Variants in RESF1 observed in about 807,000 individuals in gnomAD.
RESF1 encodes gonad expressed transcript.
A neutral mutation model predicts 134.7 loss-of-function variants in RESF1; 65 were observed. The observed-to-expected ratio is 0.48, with a 90% CI of 0.40 to 0.59. RESF1 has a LOEUF of 0.59. RESF1 is among the 20% of genes least tolerant of loss of function. The pLI, the probability that RESF1 is intolerant of heterozygous loss-of-function variation, is 0.00. For synonymous variants in RESF1, 762 were observed against 702.2 expected, an observed-to-expected ratio of 1.09 and a Z score of -1.35; for missense variants, 2,274 against 2,002.7, an observed-to-expected ratio of 1.14 and a Z score of -2.59.
In RESF1 at chr12:31,981,646, A is replaced by G. The variant is rs1420337622; in HGVS notation, c.691A>G (p.Ile231Val). Reference protein sequence around the residue: ...SPQSFLPDSTIQKQNFIPHTS... With the variant: ...SPQSFLPDSTVQKQNFIPHTS... ...ACAAAGCTTTTTACCAGATTCTACC[A>G]TTCAAAAACAAAACTTTATACCACA... Residue 231 changes from isoleucine (I) to valine (V), a missense_variant, in exon 4 of 6, where the codon ATT becomes GTT. By Grantham distance (29) the Ile-to-Val change is conservative. Transcript: ENST00000312561. 2.5e-6 allele frequency: 4 copies of G among 1,613,948 alleles called. No individual in the cohort carries two copies. The highest frequency in any genetic ancestry group is 1.7e-5 in the Admixed American group (1 of 59,990).
chr12:31,976,537 G>T (rs1939637340), intron 3 of RESF1, among the ~76,000 whole-genome samples: 1 of 151,982 alleles, frequency 6.6e-6, no homozygotes, highest in Non-Finnish European at 1.5e-5. Flanking sequence ...TACAAAATTA[G>T]CCTGGCATGG....
In RESF1 at chr12:31,966,283, T is replaced by C. The variant is rs1315127307; in HGVS notation, c.-246-3906T>C. On this transcript the variant is annotated intron_variant, in intron 2 of 5. Coordinates refer to ENST00000312561, the MANE Select transcript of RESF1 (RefSeq NM_018169.4). ...GGCCGCGGATTGGACAAGCTTGATT[T>C]AGTAGATGTTTCCTTGAGTTGGGTA... 2.6e-5 allele frequency among the ~76,000 whole-genome samples: 4 copies of C among 152,342 alleles called. No homozygotes were observed. In the East Asian group the frequency reaches 5.8e-4, roughly 22 times the overall value.
At chr12:31,962,285 T>C (rs1939290881) in intron 2 of RESF1, among the ~76,000 whole-genome samples, 1 of 148,402 alleles carries the variant, frequency 6.7e-6, no homozygotes, top group Non-Finnish European at 1.5e-5. Context: ...CCTCCCTCCC[T>C]CCCCCATTAG....
At chr12:31,987,427 C>A in intron 5 of RESF1, 105 bp downstream of exon 5, 1 of 488,284 alleles carries the variant, frequency 2.0e-6, no homozygotes, top group South Asian at 3.3e-5. Flanking sequence ...TATCCATGTT[C>A]TTTTTTTTTT....
Position 31,983,032 on chromosome 12 carries a change from T to C in RESF1, c.2077T>C (p.Cys693Arg). ...QPSDTAKEKE[C>R]DKLRTNTTAV... Reference sequence around the variant, plus strand: ...TTCAGATACTGCAAAAGAAAAGGAGTGTGATAAACTCAGAACAAACACAAC... The same window carrying C: ...TTCAGATACTGCAAAAGAAAAGGAGCGTGATAAACTCAGAACAAACACAAC... The change falls in exon 4 of 6, where the codon TGT becomes CGT. Residue 693 changes from cysteine (C) to arginine (R), a missense_variant. Coordinates refer to ENST00000312561, the MANE Select transcript of RESF1 (RefSeq NM_018169.4). The C allele has an allele frequency of 4.3e-6, 7 of 1,613,878 alleles. No homozygotes were observed. The highest frequency in any genetic ancestry group is 5.9e-6 in the Non-Finnish European group (7 of 1,179,960).
At chr12:31,962,485 C>A (rs961030592) in intron 2 of RESF1, 1 of 152,192 alleles carries the variant, frequency 6.6e-6, no homozygotes, top group African/African-American at 2.4e-5. Context: ...GCAATACTTA[C>A]ACTATTCCTA....
At chr12:31,979,237 C>T (rs1214462225) in intron 3 of RESF1, among the ~76,000 whole-genome samples, 1 of 152,164 alleles carries the variant, frequency 6.6e-6, no homozygotes, top group African/African-American at 2.4e-5. Context: ...ACTTCTGACA[C>T]CAGATGTGTG....
In RESF1 at chr12:31,983,755, A is replaced by T. The variant is rs768298365; in HGVS notation, c.2800A>T (p.Ile934Phe). 3 of 1,613,794 alleles carry T rather than the reference A, an allele frequency of 1.9e-6. No homozygotes were observed. Among genetic ancestry groups the T allele is most frequent in the South Asian group, 1.1e-5 (1 of 91,084 alleles). ...ACCTTCTCTACCCAATCAGCAAGGGATTGGCAGCAGAGAACCAGAAAAACA... is the reference window on the plus strand; with the variant it reads ...ACCTTCTCTACCCAATCAGCAAGGGTTTGGCAGCAGAGAACCAGAAAAACA... ...QKPSLPNQQG[I>F]GSREPEKQLD... is the part of the protein sequence containing the mutation. The change falls in exon 4 of 6, where the codon ATT (isoleucine) becomes TTT (phenylalanine). Residue 934 changes from isoleucine to phenylalanine, a missense_variant. By Grantham distance (21) the Ile-to-Phe change is conservative. Transcript: ENST00000312561.
At chr12:31,972,351 A>C (rs1363913341) in intron 3 of RESF1, among the ~76,000 whole-genome samples, 1 of 152,064 alleles carries the variant, frequency 6.6e-6, no homozygotes, top group Non-Finnish European at 1.5e-5. Flanking sequence ...TCACGCCTGT[A>C]ATCCCAGCAC....
intron 2 of RESF1, among the ~76,000 whole-genome samples, chr12:31,967,491 TG>T (rs1939422208): frequency 6.6e-6 from 1 of 152,104 alleles, no homozygotes; most frequent in African/African-American, 2.4e-5. Flanking sequence ...AAGTCAAAAA[TG>T]GGGTTTTATA....
In RESF1 at chr12:31,992,966, T is replaced by C. The variant is rs1940128902; in HGVS notation, c.*431T>C. On this transcript the variant is annotated 3_prime_UTR_variant, in exon 6 of 6. Coordinates refer to ENST00000312561, the MANE Select transcript of RESF1 (RefSeq NM_018169.4). ...CCACTGTGATGTGAATGTCAAAATA[T>C]ATTCTTAAGTGTTTTATAACTAATT... 1 of 162,706 alleles carries C rather than the reference T, an allele frequency of 6.1e-6. No homozygotes were observed. Among genetic ancestry groups the C allele is most frequent in the African/African-American group, 2.4e-5 (1 of 41,530 alleles). The allele number at this position is 162,706 out of a possible 1,614,324, so 10.1% of individuals were successfully genotyped here. A position where few individuals can be genotyped will look rare whatever the true frequency, so the allele number is the denominator to read the frequency against.
Position 31,984,450 on chromosome 12 carries a change from TGAGA to T in RESF1, c.3496_3499del (p.Glu1166LysfsTer69), listed in dbSNP as rs776569055. 6.2e-7 allele frequency: 1 copy of T among 1,614,150 alleles called. No individual in the cohort carries two copies. The highest frequency in any genetic ancestry group is 1.3e-5 in the African/African-American group (1 of 75,052). On this transcript the variant is annotated frameshift_variant, in exon 4 of 6. Coordinates refer to ENST00000312561, the MANE Select transcript of RESF1 (RefSeq NM_018169.4). LOFTEE classifies it high-confidence loss of function. ...GTCGTGATTCTGTGATACTGGACTCTGAGAAAGATGATATCCACTGCTGTGCATT... is the reference window on the plus strand; with the variant it reads ...GTCGTGATTCTGTGATACTGGACTCTAAGATGATATCCACTGCTGTGCATT...
At chr12:31,973,280 A>T (rs1483197713) in intron 3 of RESF1, among the ~76,000 whole-genome samples, 1 of 151,516 alleles carries the variant, frequency 6.6e-6, no homozygotes, top group East Asian at 1.9e-4. Context: ...TGTGAGTTTG[A>T]CCCATGTGGA....
At chr12:31,969,414 G>T (rs1403445826) in intron 2 of RESF1, among the ~76,000 whole-genome samples, 1 of 152,190 alleles carries the variant, frequency 6.6e-6, no homozygotes. Context: ...TGTGGTGAGA[G>T]AATTGCTTGA....
chr12:31,981,317 A>G lies in RESF1; in HGVS notation c.362A>G (p.Asn121Ser). The change falls in exon 4 of 6, where the codon AAC becomes AGC. Residue 121 changes from asparagine to serine, a missense_variant. Physicochemically the swap from Asn to Ser is conservative, Grantham distance 46. Coordinates refer to ENST00000312561, the MANE Select transcript of RESF1 (RefSeq NM_018169.4). ...GGAGTTACCCAAAACGTATGGTTGA[A>G]CTCACCAATGAGGAATCCTGTGCAT... ...SSGVTQNVWL[N>S]SPMRNPVHSH... 6.2e-7 allele frequency: 1 copy of G among 1,614,114 alleles called. No individual in the cohort carries two copies. The highest frequency in any genetic ancestry group is 8.5e-7 in the Non-Finnish European group (1 of 1,179,990).
chr12:31,982,773 T>C lies in RESF1; in HGVS notation c.1818T>C (p.Ile606=), dbSNP rs1407459574. 1.2e-6 allele frequency: 2 copies of C among 1,614,112 alleles called. No individual in the cohort carries two copies. Among genetic ancestry groups the C allele is most frequent in the South Asian group, 2.2e-5 (2 of 91,066 alleles). ...KTVLKDANQT[I]QDSKPDSCEM... is the part of the protein sequence containing the mutation. ...TATTAAAAGATGCTAATCAAACTAT[T>C]CAGGATTCTAAACCAGACAGTTGTG... The change falls in exon 4 of 6, where the codon ATT becomes ATC. Residue 606 remains isoleucine (I), a synonymous_variant. Transcript: ENST00000312561.
At position 31,984,466 on chromosome 12, in the gene RESF1, C is replaced by T. The variant is rs1437760260; in HGVS notation, c.3511C>T (p.His1171Tyr). ...ACTGGACTCTGAGAAAGATGATATC[C>T]ACTGCTGTGCATTGGGCTGGCTCTC... ...VILDSEKDDI[H>Y]CCALGWLSMV... The change falls in exon 4 of 6, where the codon CAC becomes TAC. Residue 1171 changes from histidine to tyrosine, a missense_variant. Transcript: ENST00000312561. 1.2e-6 allele frequency: 2 copies of T among 1,613,668 alleles called. No individual in the cohort carries two copies. The highest frequency in any genetic ancestry group is 3.3e-5 in the Admixed American group (2 of 60,000).
Position 31,981,060 on chromosome 12 carries a change from A to C in RESF1, c.105A>C (p.Thr35=). ...HQSLINQITT[T]SQSSFSYPGS... ...CTTTAATAAACCAAATTACCACAAC[A>C]TCTCAGAGTTCTTTCAGCTATCCTG... Residue 35 remains threonine, a synonymous_variant, in exon 4 of 6, where the codon ACA becomes ACC. Transcript: ENST00000312561. The C allele has an allele frequency of 6.2e-7, 1 of 1,614,104 alleles. No individual in the cohort carries two copies. The highest frequency in any genetic ancestry group is 8.5e-7 in the Non-Finnish European group (1 of 1,179,974).
rs1384296530 is a variant in RESF1, at chr12:31,981,588, C to T, written c.633C>T (p.Tyr211=). 2 of 1,614,038 alleles carry T rather than the reference C, an allele frequency of 1.2e-6. No individual in the cohort carries two copies. Among genetic ancestry groups the T allele is most frequent in the Non-Finnish European group, 8.5e-7 (1 of 1,180,018 alleles). ...CISKGLTYPD[Y]RPPPKLYRYS... ...CTAAGGGACTGACTTACCCAGATTA[C>T]AGACCACCTCCAAAGCTATACCGTT... The change falls in exon 4 of 6, where the codon TAC becomes TAT. Residue 211 remains tyrosine (Y), a synonymous_variant. Transcript: ENST00000312561.
Sources: gnomAD v4.1 joint callset for allele counts (sites outside exome capture counted in the v4.1 genomes callset) on GRCh38, gnomAD v4.1.1 for gene constraint, MANE v1.5 for transcripts, NCBI Gene and HGNC (gene_info 2026-07-23, HGNC 2026-07-21) for gene names.